The following DOCK6 variants were observed in gnomAD, a reference collection of about 807,000 sequenced individuals.
DOCK6 encodes dedicator of cytokinesis 6, also known as dedicator of cytokinesis protein 6.
In DOCK6, 167 loss-of-function variants were observed where a neutral mutation model predicts 230.3. The ratio of observed to expected loss-of-function variants is 0.73; its 90% CI spans 0.64 to 0.82. The LOEUF is 0.82. Among genes scored for constraint, DOCK6 ranks in the 40% least tolerant of loss-of-function variants. DOCK6 has a pLI of 0.00. For synonymous variants in DOCK6, 1,148 were observed against 1,185.0 expected, an observed-to-expected ratio of 0.97 and a Z score of 0.64; for missense variants, 2,598 against 2,825.8, an observed-to-expected ratio of 0.92 and a Z score of 1.83.
chr19:11,222,145 G>A lies in DOCK6; in HGVS notation c.3344C>T (p.Thr1115Met), dbSNP rs373215445. 84 of 1,612,698 alleles carry A rather than the reference G, an allele frequency of 5.2e-5. 1 individual carries two copies. In the African/African-American group the frequency reaches 5.3e-4, roughly 10 times the overall value. ...QQHFLAGLLL[T>M]ELALALEPEA... ...AGGTTCGAGGGCCAGTGCCAGCTCC[G>A]TCAGCAGGAGCCCAGCTAGGAAGTG... The change falls in exon 27 of 48, where the codon ACG becomes ATG. Residue 1115 changes from threonine (T) to methionine (M), a missense_variant. Coordinates refer to ENST00000294618, the MANE Select transcript of DOCK6 (RefSeq NM_020812.4). This position sits in a 1 kb window ranked among gnomAD's most constrained non-coding sequence, Gnocchi z 4.0.
chr19:11,260,825 G>T (rs1262685215), intron 1 of DOCK6, among the ~76,000 whole-genome samples: 1 of 130,526 alleles, frequency 7.7e-6, no homozygotes, highest in Non-Finnish European at 1.6e-5. Flanking sequence ...GAAGGTTGCA[G>T]TGAGCCAAGA....
At position 11,238,255 on chromosome 19, in the gene DOCK6, C is replaced by A; in HGVS notation, c.1693G>T (p.Gly565Cys). The change falls in exon 15 of 48, where the codon GGC becomes TGC. Residue 565 changes from glycine to cysteine, a missense_variant. Transcript: ENST00000294618. Reference sequence around the variant, plus strand: ...CGCACAGCAAGGTTGCGCACGGAGCCCTGGCGGCTGCTGAAGTTGAGGCTG... The same window carrying A: ...CGCACAGCAAGGTTGCGCACGGAGCACTGGCGGCTGCTGAAGTTGAGGCTG... ...PHSLNFSSRQGSVRNLAVRVQ... is the reference protein window; with the variant it reads ...PHSLNFSSRQCSVRNLAVRVQ... 1.9e-6 allele frequency: 3 copies of A among 1,613,134 alleles called. No individual in the cohort carries two copies. Among genetic ancestry groups the A allele is most frequent in the Non-Finnish European group, 2.5e-6 (3 of 1,179,436 alleles).
intron 1 of DOCK6, 77 bp downstream of exon 1, chr19:11,262,320 G>T: frequency 9.9e-7 from 1 of 1,011,822 alleles, no homozygotes; most frequent in South Asian, 4.4e-5. Flanking sequence ...GGGCGCCCGG[G>T]CGGGGAGGGT....
intron 14 of DOCK6, chr19:11,239,969 A>T (rs758952234): frequency 6.4e-7 from 1 of 1,558,048 alleles, no homozygotes; most frequent in South Asian, 1.2e-5. Flanking sequence ...TGGGGTGGCC[A>T]GGAGTCCAAA....
intron 9 of DOCK6, 121 bp from the exon 10 acceptor site, chr19:11,244,003 T>G (rs2079993643): frequency 1.8e-5 from 18 of 1,027,464 alleles, no homozygotes; most frequent in Non-Finnish European, 2.3e-5. Context: ...ATGAAGGCCT[T>G]TGCTCCAACA....
intron 4 of DOCK6, 99 bp downstream of exon 4, chr19:11,252,383 G>A (rs2080131502): frequency 1.9e-6 from 3 of 1,584,852 alleles, no homozygotes; most frequent in Non-Finnish European, 2.6e-6. Flanking sequence ...GCCTGCTCTT[G>A]CAGGGACAAT....
In DOCK6 at chr19:11,250,923, C is replaced by T. The variant is rs893332815; in HGVS notation, c.671G>A (p.Arg224Gln). ...GAGCAGGGCCGGGGGCCGGTGCTGC[C>T]GTCGAAGGGTTTCATTGCGCCGGTC... ...DVDRRNETLRRQHRPPALLTL... is the reference protein window; with the variant it reads ...DVDRRNETLRQQHRPPALLTL... Residue 224 changes from arginine to glutamine, a missense_variant, in exon 6 of 48, where the codon CGG becomes CAG. Coordinates refer to ENST00000294618, the MANE Select transcript of DOCK6 (RefSeq NM_020812.4). 9.3e-6 allele frequency: 15 copies of T among 1,607,460 alleles called. No homozygotes were observed. The highest frequency in any genetic ancestry group is 8.3e-5 in the Admixed American group (5 of 59,926).
Position 11,202,715 on chromosome 19 carries a change from G to A in DOCK6, c.5236-6C>T, listed in dbSNP as rs762743069. On this transcript the variant is annotated splice_region_variant and splice_polypyrimidine_tract_variant and intron_variant, in intron 41 of 47. Transcript: ENST00000294618. The surrounding 1 kb of genome is among the most constrained non-coding windows in gnomAD (Gnocchi z 5.3). ...AAATACGTCCCGAACACGCGCTGGG[G>A]CTGTGAGAAAGGGTGTGGTTGTCCG... 7 of 1,613,586 alleles carry A rather than the reference G, an allele frequency of 4.3e-6. No homozygotes were observed. Among genetic ancestry groups the A allele is most frequent in the East Asian group, 2.2e-5 (1 of 44,890 alleles).
At chr19:11,224,657 C>T (rs984485661) in intron 24 of DOCK6, among the ~76,000 whole-genome samples, 2 of 152,096 alleles carry the variant, frequency 1.3e-5, no homozygotes, top group African/African-American at 2.4e-5. Context: ...CTAGCAAGTC[C>T]GGGGAACAGT....
At chr19:11,208,576 G>A in intron 39 of DOCK6, 110 bp downstream of exon 39, 2 of 1,456,742 alleles carry the variant, frequency 1.4e-6, no homozygotes, top group Non-Finnish European at 1.8e-6. Flanking sequence ...ACCGCGCCCA[G>A]CCTATTCTCC....
intron 28 of DOCK6, 142 bp downstream of exon 28, chr19:11,221,709 C>G: frequency 4.7e-6 from 6 of 1,277,012 alleles, no homozygotes; most frequent in Non-Finnish European, 1.1e-6. Flanking sequence ...CTTAAGTAGT[C>G]TGTCCTAGCA....
In DOCK6 at chr19:11,238,162, C is replaced by T; in HGVS notation, c.1761+25G>A. On this transcript the variant is annotated intron_variant, in intron 15 of 47. Transcript: ENST00000294618. ...GGACCCATGGGGGATGCCCTACCCC[C>T]CTTCCCTGGGGCACAGCCACTGACC... The T allele has an allele frequency of 1.9e-6, 3 of 1,613,890 alleles. No individual in the cohort carries two copies. The South Asian group carries it at 3.3e-5, about 18-fold the overall frequency.
chr19:11,256,687 A>G (rs1466986930), intron 1 of DOCK6, among the ~76,000 whole-genome samples: 1 of 151,948 alleles, frequency 6.6e-6, no homozygotes, highest in Non-Finnish European at 1.5e-5. Flanking sequence ...AATTTTATTT[A>G]TTTTTTTGAG....
intron 14 of DOCK6, chr19:11,239,667 G>T: frequency 6.2e-7 from 1 of 1,613,736 alleles, no homozygotes; most frequent in South Asian, 1.1e-5. Context: ...GCCTGCTCTG[G>T]GCCCTGGCAA....
intron 28 of DOCK6, among the ~76,000 whole-genome samples, 195 bp from the exon 29 acceptor site, chr19:11,217,586 A>G (rs2079513123): frequency 6.6e-6 from 1 of 151,574 alleles, no homozygotes; most frequent in South Asian, 2.1e-4. Context: ...GCAAAATCCC[A>G]TCTCTACTAA....
intron 39 of DOCK6, among the ~76,000 whole-genome samples, chr19:11,207,790 C>G (rs972194658): frequency 2.6e-5 from 4 of 151,412 alleles, no homozygotes; most frequent in African/African-American, 7.3e-5. Context: ...ATTAGCCGGA[C>G]ATAGTGATGT....
At chr19:11,213,115 G>A in intron 35 of DOCK6, 61 bp downstream of exon 35, 1 of 1,569,316 alleles carries the variant, frequency 6.4e-7, no homozygotes, top group Non-Finnish European at 8.7e-7. Context: ...GTATGGTTGA[G>A]ACCCCACTGG....
chr19:11,259,881 C>CGTTTT (rs2080258244), intron 1 of DOCK6, among the ~76,000 whole-genome samples: 1 of 67,780 alleles, frequency 1.5e-5, no homozygotes, highest in African/African-American at 6.0e-5. Context: ...CGCGCCCGGC[C>CGTTTT]TTTTTTTTTT....
rs142800818 is a variant in DOCK6, at chr19:11,239,788, G to A, written c.1644-1484C>T. On this transcript the variant is annotated intron_variant, in intron 14 of 47. Coordinates refer to ENST00000294618, the MANE Select transcript of DOCK6 (RefSeq NM_020812.4). ...CCTGCAGCTGGGCCAGGCCCTCAAC[G>A]GTGTGTACAGGACCACGGAGGGACG... is the stretch of plus-strand genomic sequence containing the variant. 146 of 1,609,372 alleles carry A rather than the reference G, an allele frequency of 9.1e-5. 1 individual carries two copies. In the African/African-American group the frequency reaches 1.6e-3, roughly 18 times the overall value.
Sources: gnomAD v4.1 joint callset for allele counts (sites outside exome capture counted in the v4.1 genomes callset) on GRCh38, gnomAD v4.1.1 for gene constraint, Gnocchi (gnomAD v3.1) non-coding constraint, MANE v1.5 for transcripts, NCBI Gene and HGNC (gene_info 2026-07-23, HGNC 2026-07-21) for gene names.